The following NPL variants were observed in gnomAD, a reference collection of about 807,000 sequenced individuals.
NPL encodes N-acetylneuraminate pyruvate lyase, also known as N-acetylneuraminate lyase.
A neutral mutation model predicts 41.1 loss-of-function variants in NPL; 32 were observed. The observed-to-expected ratio is 0.78, with a 90% CI of 0.59 to 1.05. The LOEUF is 1.05. Ranked by LOEUF, NPL falls within the 50% of genes least tolerant of loss-of-function variation. NPL has a pLI of 0.00. For missense variants in NPL, 321 were observed against 378.4 expected, an observed-to-expected ratio of 0.85 and a Z score of 1.26; for synonymous variants, 128 against 134.9, an observed-to-expected ratio of 0.95 and a Z score of 0.35.
intron 1 of NPL, 146 bp downstream of exon 1, chr1:182,789,951 C>T (rs1666450358): frequency 6.6e-6 from 1 of 152,368 alleles, no homozygotes; most frequent in African/African-American, 2.4e-5. Context: ...AAGGCAGATA[C>T]GCTGGGAAAC....
intron 3 of NPL, among the ~76,000 whole-genome samples, chr1:182,797,072 G>A (rs1666694083): frequency 6.7e-6 from 1 of 149,166 alleles, no homozygotes; most frequent in South Asian, 2.1e-4. Flanking sequence ...ATTCTCCAAA[G>A]GAAGTTCAAC....
intron 11 of NPL, among the ~76,000 whole-genome samples, chr1:182,824,525 C>T (rs918868462): frequency 1.3e-5 from 2 of 152,026 alleles, no homozygotes; most frequent in Non-Finnish European, 2.9e-5. Flanking sequence ...AGGCCGGGCA[C>T]GGTGGCTCAC....
chr1:182,796,444 G>A (rs1256149316), intron 3 of NPL, among the ~76,000 whole-genome samples: 2 of 152,126 alleles, frequency 1.3e-5, no homozygotes, highest in African/African-American at 2.4e-5. Flanking sequence ...CTAATACCTG[G>A]AAATACTGCC....
chr1:182,816,133 A>G (rs1667324507), intron 7 of NPL, among the ~76,000 whole-genome samples: 1 of 152,210 alleles, frequency 6.6e-6, no homozygotes, highest in South Asian at 2.1e-4. Flanking sequence ...GGCGAAGCTC[A>G]CATGAGATGA....
chr1:182,806,463 G>T, intron 5 of NPL: 2 of 1,536,314 alleles, frequency 1.3e-6, no homozygotes, highest in South Asian at 2.4e-5. Flanking sequence ...CAGAGGTTCC[G>T]CTGGGAAACT....
In NPL at chr1:182,822,126, A is replaced by G. The variant is rs1667503187; in HGVS notation, c.665A>G (p.Tyr222Cys). The change falls in exon 11 of 13, where the codon TAC (tyrosine) becomes TGC (cysteine). Residue 222 changes from tyrosine to cysteine, a missense_variant. Physicochemically the swap from Tyr to Cys is radical, Grantham distance 194 (BLOSUM62 -2). Coordinates refer to ENST00000367553, the MANE Select transcript of NPL (RefSeq NM_030769.3). The stretch of plus-strand genomic sequence containing the variant: ...TATTGTCTTGCCAGTACCTATAACT[A>G]CCTGGGAAAAAAGACAAACCAGATG... The part of the protein sequence containing the change: ...ATGAVGSTYN[Y>C]LGKKTNQMLE... 1.9e-6 allele frequency: 3 copies of G among 1,611,452 alleles called. No homozygotes were observed. In the South Asian group the frequency reaches 3.3e-5, roughly 18 times the overall value.
At position 182,829,639 on chromosome 1, in the gene NPL, C is replaced by A. The variant is rs563090415; in HGVS notation, c.*731C>A. 1 of 1,550,022 alleles carries A rather than the reference C, an allele frequency of 6.5e-7. No individual in the cohort carries two copies. Among genetic ancestry groups the A allele is most frequent in the Admixed American group, 2.0e-5 (1 of 50,982 alleles). On this transcript the variant is annotated 3_prime_UTR_variant, in exon 13 of 13. Coordinates refer to ENST00000367553, the MANE Select transcript of NPL (RefSeq NM_030769.3). The stretch of plus-strand genomic sequence containing the variant: ...CTCAAAGTTTCAAAGAACCAAAGGA[C>A]TCTTCCTCTGGGCACCACAAACTTC...
At chr1:182,809,231 C>T (rs1345100039) in intron 5 of NPL, 2 of 453,328 alleles carry the variant, frequency 4.4e-6, no homozygotes, top group Non-Finnish European at 8.9e-6. Context: ...CCAAAGTAGA[C>T]GGAGTAGCTT....
At chr1:182,792,051 G>A (rs543757791) in intron 1 of NPL, among the ~76,000 whole-genome samples, 181 bp from the exon 2 acceptor site, 2 of 152,212 alleles carry the variant, frequency 1.3e-5, no homozygotes, top group African/African-American at 2.4e-5. Context: ...CTGGGAAGAT[G>A]ATGCTGGTAA....
At chr1:182,802,974 T>C (rs1316378968) in intron 3 of NPL, among the ~76,000 whole-genome samples, 1 of 152,196 alleles carries the variant, frequency 6.6e-6, no homozygotes, top group African/African-American at 2.4e-5. Context: ...AGAGGCAAAG[T>C]GATGACAAAG....
In NPL at chr1:182,814,667, T is replaced by G. The variant is rs1484424344; in HGVS notation, c.289-116T>G. ...TTAAATTTGGTTAATTTTCCCACTT[T>G]CCAGTGGTACATCAGTTAGCAAATT... On this transcript the variant is annotated intron_variant, in intron 6 of 12. Transcript: ENST00000367553. 3.4e-6 allele frequency: 3 copies of G among 871,024 alleles called. No homozygotes were observed. The East Asian group carries it at 7.6e-5, about 22-fold the overall frequency. 54.0% of individuals were successfully genotyped at this position (871,024 alleles called of 1,614,324 possible).
intron 3 of NPL, among the ~76,000 whole-genome samples, chr1:182,796,598 T>G (rs940010082): frequency 2.6e-5 from 4 of 152,192 alleles, no homozygotes; most frequent in African/African-American, 9.7e-5. Flanking sequence ...CAATTCAGCT[T>G]TCTGCATATA....
chr1:182,794,492 A>T, intron 3 of NPL, 53 bp downstream of exon 3: 1 of 1,558,424 alleles, frequency 6.4e-7, no homozygotes, highest in Non-Finnish European at 8.9e-7. Context: ...ACCAAAAAGG[A>T]GAGAAGTTCT....
In NPL at chr1:182,828,871, CT is replaced by C. The variant is rs1161058543; in HGVS notation, c.927del (p.Asp310IlefsTer2). On this transcript the variant is annotated frameshift_variant, in exon 13 of 13. Transcript: ENST00000367553. LOFTEE classifies it high-confidence loss of function. The surrounding 1 kb of genome is among the most constrained non-coding windows in gnomAD (Gnocchi z 4.0). ...KLKSLDFLSF[T>X]DLKDGNLEAG... ...AAGAGCCTGGATTTCCTTTCTTTCA[CT>C]GATTTAAAGGATGGAAACTTGGAAG... 1 of 1,614,082 alleles carries C rather than the reference CT, an allele frequency of 6.2e-7. No individual in the cohort carries two copies. Among genetic ancestry groups the C allele is most frequent in the African/African-American group, 1.3e-5 (1 of 74,944 alleles).
chr1:182,829,764 T>C lies in NPL; in HGVS notation c.*856T>C. 1 of 851,308 alleles carries C rather than the reference T, an allele frequency of 1.2e-6. No individual in the cohort carries two copies. Among genetic ancestry groups the C allele is most frequent in the Non-Finnish European group, 1.9e-6 (1 of 525,610 alleles). The allele number at this position is 851,308 out of a possible 1,614,324, so 52.7% of individuals were successfully genotyped here. ...GCAGTGAGCCCAGGGGCTAATGTTA[T>C]TATCCTGTCACACTTGCAACTAGTG... On this transcript the variant is annotated 3_prime_UTR_variant, in exon 13 of 13. Coordinates refer to ENST00000367553, the MANE Select transcript of NPL (RefSeq NM_030769.3).
At chr1:182,791,033 A>T (rs1666500037) in intron 1 of NPL, among the ~76,000 whole-genome samples, 1 of 152,124 alleles carries the variant, frequency 6.6e-6, no homozygotes, top group South Asian at 2.1e-4. Flanking sequence ...TGTGCAAAGA[A>T]ATTTTCCAAG....
rs1007161518 is a variant in NPL at position 182,808,842 on chromosome 1, C to G, written c.230+2610C>G. ...GGCATAGTGGTATGCCCCTGTGGTC[C>G]CAGCCACTTGGGAGGCTGAGGCAGG... On this transcript the variant is annotated intron_variant, in intron 5 of 12. Transcript: ENST00000367553. 7.9e-5 allele frequency among the ~76,000 whole-genome samples: 12 copies of G among 151,896 alleles called. No individual in the cohort carries two copies. In the East Asian group the frequency reaches 1.4e-3, roughly 17 times the overall value.
In NPL at chr1:182,829,706, G is replaced by A. The variant is rs1032027939; in HGVS notation, c.*798G>A. The stretch of plus-strand genomic sequence containing the variant: ...AAGACTGTCTCTCCCGCAGGACCCT[G>A]AATTATTGAAATCGAAGGCTGACTT... On this transcript the variant is annotated 3_prime_UTR_variant, in exon 13 of 13. Transcript: ENST00000367553. 9 of 1,371,220 alleles carry A rather than the reference G, an allele frequency of 6.6e-6. No individual in the cohort carries two copies. In the African/African-American group the frequency reaches 1.2e-4, roughly 18 times the overall value. 84.9% of individuals were successfully genotyped at this position (1,371,220 alleles called of 1,614,324 possible). A position where few individuals can be genotyped will look rare whatever the true frequency, so the allele number is the denominator to read the frequency against.
At position 182,812,178 on chromosome 1, in the gene NPL, G is replaced by C; in HGVS notation, c.253G>C (p.Val85Leu). Residue 85 changes from valine (V) to leucine (L), a missense_variant, in exon 6 of 13, where the codon GTA becomes CTA. Transcript: ENST00000367553. Reference sequence around the variant, plus strand: ...CAGGCTGGATCAGGTGATAATTCACGTAGGAGCACTGAGCTTGAAGGAGTC... The same window carrying C: ...CAGGCTGGATCAGGTGATAATTCACCTAGGAGCACTGAGCTTGAAGGAGTC... ...KDKLDQVIIH[V>L]GALSLKESQE... 1 of 1,613,958 alleles carries C rather than the reference G, an allele frequency of 6.2e-7. No individual in the cohort carries two copies. Among genetic ancestry groups the C allele is most frequent in the Non-Finnish European group, 8.5e-7 (1 of 1,179,862 alleles).
Sources: gnomAD v4.1 joint callset for allele counts (sites outside exome capture counted in the v4.1 genomes callset) on GRCh38, gnomAD v4.1.1 for gene constraint, Gnocchi (gnomAD v3.1) non-coding constraint, MANE v1.5 for transcripts, NCBI Gene and HGNC (gene_info 2026-07-23, HGNC 2026-07-21) for gene names.